SLC13A4: variants seen among roughly 807,000 people sequenced by gnomAD.
SLC13A4 encodes solute carrier family 13 member 4.
A neutral mutation model predicts 72.7 loss-of-function variants in SLC13A4; 28 were observed. The observed-to-expected ratio is 0.39, with a 90% CI of 0.29 to 0.53. The LOEUF (loss-of-function observed/expected upper bound fraction) is 0.53, where lower values mean the gene tolerates loss of function less well. Among genes scored for constraint, SLC13A4 ranks in the 20% least tolerant of loss-of-function variants. SLC13A4 has a pLI of 0.78. For synonymous variants in SLC13A4, 312 were observed against 325.5 expected (o/e 0.96, Z 0.45); for missense variants, 653 against 788.0 (o/e 0.83, Z 2.05).
chr7:135,690,180 CAAAAAAAAAA>C (rs57390577), intron 13 of SLC13A4, among the ~76,000 whole-genome samples: 2 of 29,632 alleles, frequency 6.7e-5, no homozygotes, highest in South Asian at 2.5e-3. Context: ...GACTCTGTCT[CAAAAAAAAAA>C]AAAAAAAAAA....
intron 4 of SLC13A4, 66 bp from the exon 5 acceptor site, chr7:135,705,716 C>G (rs1796145681): frequency 6.9e-7 from 1 of 1,458,074 alleles, no homozygotes; most frequent in Non-Finnish European, 9.6e-7. Context: ...TGGGTTGGAG[C>G]ATAGCTCAAG....
chr7:135,692,388 C>T lies in SLC13A4; in HGVS notation c.1158G>A (p.Leu386=). 8 of 1,613,618 alleles carry T rather than the reference C, an allele frequency of 5.0e-6. No individual in the cohort carries two copies. Among genetic ancestry groups the T allele is most frequent in the Non-Finnish European group, 5.9e-6 (7 of 1,179,892 alleles). ...CCCGGGTAAACCACAGTACGGTCAT[C>T]AGGATGAAGAAAAATCCAGTCACCA... ...PEMVTGFFFI[L]MTVLWFTREP... is the part of the protein sequence containing the mutation. Residue 386 remains leucine, a synonymous_variant, in exon 11 of 16, where the codon CTG becomes CTA. Coordinates refer to ENST00000682651, the MANE Select transcript of SLC13A4 (RefSeq NM_001318192.2).
At position 135,721,421 on chromosome 7, in the gene SLC13A4, A is replaced by C. The variant is rs749846094; in HGVS notation, c.202T>G (p.Phe68Val). The C allele has an allele frequency of 5.0e-6, 8 of 1,614,070 alleles. No homozygotes were observed. In the South Asian group the frequency reaches 8.8e-5, roughly 18 times the overall value. Residue 68 changes from phenylalanine to valine, a missense_variant, in exon 2 of 16, where the codon TTC becomes GTC. Transcript: ENST00000682651. ...AALVPAFLYP[F>V]FGVLRSNEVA... Reference sequence around the variant, plus strand: ...TCATTGGACCGGAGGACTCCGAAGAACGGGTAAAGGAAGGCCGGCACCAGG... The same window carrying C: ...TCATTGGACCGGAGGACTCCGAAGACCGGGTAAAGGAAGGCCGGCACCAGG...
At position 135,685,594 on chromosome 7, in the gene SLC13A4, G is replaced by A. The variant is rs138298230; in HGVS notation, c.1536C>T (p.Leu512=). ...PWAVTLLACI[L]VSIVTEFVSN... is the part of the protein sequence containing the mutation. Reference sequence around the variant, plus strand: ...TCACAAACTCAGTGACAATGGACACGAGGATGCATGCCAGCAGGGTGACAG... The same window carrying A: ...TCACAAACTCAGTGACAATGGACACAAGGATGCATGCCAGCAGGGTGACAG... The change falls in exon 14 of 16, where the codon CTC becomes CTT. Residue 512 remains leucine (L), a synonymous_variant. Coordinates refer to ENST00000682651, the MANE Select transcript of SLC13A4 (RefSeq NM_001318192.2). The A allele has an allele frequency of 4.3e-6, 7 of 1,614,070 alleles. No homozygotes were observed. In the African/African-American group the frequency reaches 5.3e-5, roughly 12 times the overall value.
Position 135,727,627 on chromosome 7 carries a change from T to C in SLC13A4, c.-131A>G. 8.2e-7 allele frequency: 1 copy of C among 1,216,124 alleles called. No individual in the cohort carries two copies. Among genetic ancestry groups the C allele is most frequent in the Non-Finnish European group, 1.1e-6 (1 of 896,282 alleles). The allele number at this position is 1,216,124 out of a possible 1,614,324, so 75.3% of individuals were successfully genotyped here. A position where few individuals can be genotyped will look rare whatever the true frequency, so the allele number is the denominator to read the frequency against. ...GGCTTCCGAGAGTCCTCCTTCGTCT[T>C]GGGGGCAGAACGGGAGGGCAGTTAT... On this transcript the variant is annotated 5_prime_UTR_variant, in exon 1 of 16. Transcript: ENST00000682651.
intron 2 of SLC13A4, among the ~76,000 whole-genome samples, chr7:135,719,419 C>A (rs1191125481): frequency 6.6e-6 from 1 of 152,110 alleles, no homozygotes; most frequent in African/African-American, 2.4e-5. Flanking sequence ...GGATTCAGTT[C>A]TTTCTAAACA....
At chr7:135,691,457 C>T (rs1795785682) in intron 12 of SLC13A4, 91 bp downstream of exon 12, 2 of 1,474,014 alleles carry the variant, frequency 1.4e-6, no homozygotes, top group South Asian at 2.3e-5. Context: ...GGGTGGGAAT[C>T]TGAAGGACCT....
intron 2 of SLC13A4, among the ~76,000 whole-genome samples, chr7:135,713,422 AC>A (rs1437610049): frequency 1.6e-4 from 24 of 152,144 alleles, no homozygotes; most frequent in African/African-American, 5.8e-4. Flanking sequence ...CAGATGAGTT[AC>A]CTGCTATTGG....
rs145107187 is a variant in SLC13A4, at chr7:135,707,700, A to G, written c.365+414T>C. 605 of 159,564 alleles carry G rather than the reference A, an allele frequency of 3.8e-3. 5 individuals carry two copies. The highest frequency in any genetic ancestry group is 6.1e-3 in the Non-Finnish European group (442 of 72,718). 9.9% of individuals were successfully genotyped at this position (159,564 alleles called of 1,614,324 possible). A position where few individuals can be genotyped will look rare whatever the true frequency, so the allele number is the denominator to read the frequency against. On this transcript the variant is annotated intron_variant, in intron 3 of 15. Coordinates refer to ENST00000682651, the MANE Select transcript of SLC13A4 (RefSeq NM_001318192.2). ...GGGTCTGTGGTCTGAACTGATGACA[A>G]AAACTCAGGGTGGATGGGAGGAAAC...
chr7:135,713,346 G>A (rs4236657), intron 2 of SLC13A4, among the ~76,000 whole-genome samples: 51,790 of 151,860 alleles, frequency 0.34, 9,138 homozygotes, highest in Middle Eastern at 0.45. Flanking sequence ...CTGTGTTTTA[G>A]GAAAGATGGG....
chr7:135,719,006 C>T (rs1378488655), intron 2 of SLC13A4, among the ~76,000 whole-genome samples: 1 of 152,190 alleles, frequency 6.6e-6, no homozygotes, highest in African/African-American at 2.4e-5. Flanking sequence ...TCCCTGTAGC[C>T]CAACTACTAA....
intron 5 of SLC13A4, chr7:135,704,580 CCTT>C (rs1401884087): frequency 4.6e-5 from 7 of 151,696 alleles, no homozygotes; most frequent in African/African-American, 1.7e-4. Context: ...CTTACTTTCA[CCTT>C]CTTTCTTCTG....
At position 135,691,645 on chromosome 7, in the gene SLC13A4, C is replaced by T. The variant is rs1456093704; in HGVS notation, c.1224G>A (p.Lys408=). 6.2e-7 allele frequency: 1 copy of T among 1,607,478 alleles called. No homozygotes were observed. The highest frequency in any genetic ancestry group is 1.1e-5 in the South Asian group (1 of 90,918). The part of the protein sequence containing the change: ...FVPGWDSFFE[K]KGYRTDATVS... ...CTGTGGCATCAGTACGGTAGCCTTT[C>T]CTAGTAAAGAGACAAGCATAGCTGA... Residue 408 remains lysine, a splice_region_variant and synonymous_variant, in exon 12 of 16, where the codon AAG becomes AAA. Coordinates refer to ENST00000682651, the MANE Select transcript of SLC13A4 (RefSeq NM_001318192.2).
chr7:135,711,962 G>GGTTTTTTTTTTT (rs1563167348), intron 2 of SLC13A4, among the ~76,000 whole-genome samples: 1 of 59,614 alleles, frequency 1.7e-5, no homozygotes, highest in African/African-American at 5.8e-5. Flanking sequence ...AATGTTTTTG[G>GGTTTTTTTTTTT]ATTTTTTTTT....
intron 11 of SLC13A4, 72 bp downstream of exon 11, chr7:135,692,251 A>G: frequency 9.6e-7 from 1 of 1,039,980 alleles, no homozygotes; most frequent in Non-Finnish European, 1.5e-6. Flanking sequence ...TCTGCCCCTG[A>G]GAGTCTATGA....
At chr7:135,718,781 G>C (rs928130357) in intron 2 of SLC13A4, among the ~76,000 whole-genome samples, 1 of 152,138 alleles carries the variant, frequency 6.6e-6, no homozygotes, top group Admixed American at 6.5e-5. Flanking sequence ...ACAAGGATTT[G>C]GGGGCTCCTA....
chr7:135,719,432 AT>A (rs558050222), intron 2 of SLC13A4, among the ~76,000 whole-genome samples: 3 of 151,676 alleles, frequency 2.0e-5, no homozygotes, highest in Admixed American at 6.6e-5. Flanking sequence ...TCTAAACATC[AT>A]TTTTTTTCCT....
chr7:135,690,415 C>G (rs10266783), intron 13 of SLC13A4, among the ~76,000 whole-genome samples: 4,475 of 152,192 alleles, frequency 0.029, 223 homozygotes, highest in African/African-American at 0.1. Context: ...GCATTTACAT[C>G]AGCTTTAGCC....
At position 135,708,944 on chromosome 7, in the gene SLC13A4, T is replaced by G. The variant is rs1265927163; in HGVS notation, c.229-694A>C. Among the ~76,000 whole-genome samples, 5 of 116,348 alleles carry G rather than the reference T, an allele frequency of 4.3e-5. No homozygotes were observed. The East Asian group carries it at 8.1e-4, about 19-fold the overall frequency. 76.3% of individuals were successfully genotyped at this position (116,348 alleles called of 152,430 possible). A position where few individuals can be genotyped will look rare whatever the true frequency, so the allele number is the denominator to read the frequency against. ...TTTTTTTTTTTTTTTTTTTTTTTTTTTGTGAGATGGAGTCTCGCTCTGTCG... is the reference window on the plus strand; with the variant it reads ...TTTTTTTTTTTTTTTTTTTTTTTTTGTGTGAGATGGAGTCTCGCTCTGTCG... On this transcript the variant is annotated intron_variant, in intron 2 of 15. Transcript: ENST00000682651.
Sources: allele counts gnomAD v4.1 joint callset (sites outside exome capture counted in the v4.1 genomes callset), GRCh38; gene constraint gnomAD v4.1.1; transcripts MANE v1.5; gene names NCBI Gene and HGNC (gene_info 2026-07-23, HGNC 2026-07-21).